SORCS1: variants seen among roughly 807,000 people sequenced by gnomAD.
SORCS1 encodes the protein sortilin related VPS10 domain containing receptor 1, also known as VPS10 domain-containing receptor SorCS1.
A neutral mutation model predicts 146.1 loss-of-function variants in SORCS1; 60 were observed. The observed-to-expected ratio is 0.41, with a 90% CI of 0.33 to 0.51. The LOEUF (loss-of-function observed/expected upper bound fraction) is 0.51, where lower values mean the gene tolerates loss of function less well. SORCS1 is among the 20% of genes least tolerant of loss of function. The pLI is 0.21. For synonymous variants in SORCS1, 637 were observed against 584.0 expected, an observed-to-expected ratio of 1.09 and a Z score of -1.31; for missense variants, 1,352 against 1,487.6, an observed-to-expected ratio of 0.91 and a Z score of 1.50.
chr10:107,078,723 C>T (rs149003148), intron 1 of SORCS1, among the ~76,000 whole-genome samples: 131 of 152,284 alleles, frequency 8.6e-4, no homozygotes, highest in Middle Eastern at 6.8e-3. Context: ...ACCAACACCC[C>T]TCTCCTCTTC....
intron 24 of SORCS1, among the ~76,000 whole-genome samples, chr10:106,589,420 G>C (rs1845459201): frequency 6.6e-6 from 1 of 151,880 alleles, no homozygotes; most frequent in African/African-American, 2.4e-5. Flanking sequence ...TCATGACCAA[G>C]GGTTCTCATG....
intron 6 of SORCS1, among the ~76,000 whole-genome samples, chr10:106,715,124 T>TC (rs1448268700): frequency 1.3e-5 from 2 of 152,172 alleles, no homozygotes; most frequent in Admixed American, 6.5e-5. Context: ...CAAGCACTCA[T>TC]CCCCCTTGGG....
intron 3 of SORCS1, among the ~76,000 whole-genome samples, chr10:106,791,468 C>T (rs902609220): frequency 7.2e-5 from 11 of 152,092 alleles, no homozygotes; most frequent in East Asian, 1.9e-4. Flanking sequence ...GAGGCCGAGG[C>T]GGGCAGATGG....
At chr10:106,832,682 C>T (rs1021164381) in intron 2 of SORCS1, among the ~76,000 whole-genome samples, 3 of 151,960 alleles carry the variant, frequency 2.0e-5, no homozygotes, top group Non-Finnish European at 4.4e-5. Flanking sequence ...CAAAATCTAC[C>T]TGGGGGCGGG....
intron 2 of SORCS1, among the ~76,000 whole-genome samples, chr10:106,884,713 G>A (rs1336616): frequency 0.013 from 1,916 of 152,150 alleles, 41 homozygotes; most frequent in African/African-American, 0.044. Flanking sequence ...TGTCAATTAG[G>A]AAAACTGCCA....
At chr10:106,993,726 T>C (rs921547151) in intron 1 of SORCS1, among the ~76,000 whole-genome samples, 2 of 152,008 alleles carry the variant, frequency 1.3e-5, no homozygotes, top group Admixed American at 1.3e-4. Context: ...AGCAACAAAG[T>C]AAATTTTATT....
chr10:106,955,249 C>T (rs180879624), intron 2 of SORCS1, among the ~76,000 whole-genome samples: 4 of 152,254 alleles, frequency 2.6e-5, no homozygotes, highest in South Asian at 2.1e-4. Context: ...CTGGTGTCCC[C>T]GAGTTTTTAA....
chr10:106,788,982 C>G (rs1375714747), intron 3 of SORCS1, among the ~76,000 whole-genome samples: 1 of 152,236 alleles, frequency 6.6e-6, no homozygotes, highest in Non-Finnish European at 1.5e-5. Flanking sequence ...CATACATCCT[C>G]TAAAATCTAG....
intron 3 of SORCS1, among the ~76,000 whole-genome samples, chr10:106,804,773 T>G (rs193248651): frequency 1.3e-5 from 2 of 152,290 alleles, no homozygotes; most frequent in Admixed American, 1.3e-4. Context: ...GAACATATAT[T>G]ACAGCAACCC....
At chr10:107,070,138 T>C (rs1176197130) in intron 1 of SORCS1, among the ~76,000 whole-genome samples, 1 of 152,264 alleles carries the variant, frequency 6.6e-6, no homozygotes, top group Admixed American at 6.5e-5. Flanking sequence ...GGTTTCTTCA[T>C]GCTGTAGTAT....
chr10:106,782,448 G>A (rs1031663453), intron 3 of SORCS1, among the ~76,000 whole-genome samples: 2 of 152,092 alleles, frequency 1.3e-5, no homozygotes, highest in African/African-American at 4.8e-5. Flanking sequence ...TAAGGAGCAT[G>A]TAATTTCAGT....
At chr10:106,701,703 A>G (rs2135762208) in intron 8 of SORCS1, among the ~76,000 whole-genome samples, 1 of 152,344 alleles carries the variant, frequency 6.6e-6, no homozygotes, top group African/African-American at 2.4e-5. Context: ...ACAGTCTAGT[A>G]AAGTGGCTGA....
rs765355110 is a variant in SORCS1, at chr10:106,944,874, C to CTTTTT, written c.626+11634_626+11638dup. ...GTAGAAAGAAGCAAGAAAGAGCCTT[C>CTTTTT]TTTTTTTTTTTTTTTTTTTTTTTTT... On this transcript the variant is annotated intron_variant, in intron 2 of 25. Transcript: ENST00000263054. 1.1e-3 allele frequency among the ~76,000 whole-genome samples: 39 copies of CTTTTT among 36,612 alleles called. 2 individuals are homozygous for CTTTTT. The highest frequency in any genetic ancestry group is 2.7e-3 in the African/African-American group (27 of 9,996). The allele number at this position is 36,612 out of a possible 152,430, so 24.0% of individuals were successfully genotyped here.
chr10:106,657,812 C>G (rs777257852), intron 17 of SORCS1, among the ~76,000 whole-genome samples: 13 of 151,672 alleles, frequency 8.6e-5, no homozygotes, highest in Non-Finnish European at 1.5e-4. Flanking sequence ...TTTACCCATC[C>G]TCTCTCAAAT....
chr10:107,070,921 A>C (rs1479236029), intron 1 of SORCS1, among the ~76,000 whole-genome samples: 1 of 149,474 alleles, frequency 6.7e-6, no homozygotes, highest in Middle Eastern at 3.2e-3. Context: ...AGATATCTTA[A>C]AAAAAAAAAT....
chr10:106,791,874 T>C (rs916649975), intron 3 of SORCS1, among the ~76,000 whole-genome samples: 18 of 152,212 alleles, frequency 1.2e-4, no homozygotes, highest in Non-Finnish European at 2.5e-4. Context: ...TATGTCAATA[T>C]ATACCACTTT....
intron 1 of SORCS1, among the ~76,000 whole-genome samples, chr10:107,051,412 A>G (rs74154841): frequency 0.03 from 4,562 of 152,248 alleles, 214 homozygotes; most frequent in African/African-American, 0.1. Context: ...TGTCTAGAAT[A>G]TTGAATTGGA....
At chr10:106,901,653 C>T (rs1382925826) in intron 2 of SORCS1, among the ~76,000 whole-genome samples, 1 of 152,206 alleles carries the variant, frequency 6.6e-6, no homozygotes, top group Non-Finnish European at 1.5e-5. Context: ...CCAGGCTGGT[C>T]TCTGACTCTG....
At chr10:106,625,311 T>C (rs911430411) in intron 19 of SORCS1, among the ~76,000 whole-genome samples, 10 of 151,850 alleles carry the variant, frequency 6.6e-5, no homozygotes, top group African/African-American at 2.4e-4. Context: ...ACCTAAATAT[T>C]GTGCACATAT....
Sources: allele counts gnomAD v4.1 joint callset (sites outside exome capture counted in the v4.1 genomes callset), GRCh38; gene constraint gnomAD v4.1.1; transcripts MANE v1.5; gene names NCBI Gene and HGNC (gene_info 2026-07-23, HGNC 2026-07-21).